Variants in SEMA3A observed in about 807,000 individuals in gnomAD.
The protein encoded by SEMA3A is semaphorin 3A.
A neutral mutation model predicts 97.9 loss-of-function variants in SEMA3A; 29 were observed. The observed-to-expected ratio is 0.30, with a 90% confidence interval of 0.22 to 0.40. The LOEUF is 0.40. SEMA3A is among the 10% of genes least tolerant of loss of function. SEMA3A has a pLI of 1.00. For synonymous variants in SEMA3A, 321 were observed against 323.7 expected (o/e 0.99, Z 0.09); for missense variants, 763 against 951.3 (o/e 0.80, Z 2.60).
chr7:84,470,489 G>A (rs1806117862), intron 1 of SEMA3A, among the ~76,000 whole-genome samples: 1 of 152,092 alleles, frequency 6.6e-6, no homozygotes, highest in Non-Finnish European at 1.5e-5. Context: ...ATTCTGGAAA[G>A]GGAGAAGATG....
chr7:84,373,620 A>G (rs142952518), intron 1 of SEMA3A, among the ~76,000 whole-genome samples: 198 of 152,320 alleles, frequency 1.3e-3, no homozygotes, highest in African/African-American at 4.6e-3. Flanking sequence ...TGAATTTCCA[A>G]ATGCAGACAG....
chr7:84,279,911 T>C (rs2115737659), intron 3 of SEMA3A, among the ~76,000 whole-genome samples: 2 of 152,272 alleles, frequency 1.3e-5, no homozygotes, highest in South Asian at 4.1e-4. Context: ...TATTTATTTA[T>C]TTTTGACCTA....
At chr7:84,265,271 G>A (rs1799962076) in intron 3 of SEMA3A, among the ~76,000 whole-genome samples, 2 of 151,822 alleles carry the variant, frequency 1.3e-5, no homozygotes, top group Admixed American at 6.6e-5. Flanking sequence ...AATATAAAGA[G>A]TGCAGTGGCA....
At chr7:84,483,973 G>A (rs1477004273) in intron 1 of SEMA3A, among the ~76,000 whole-genome samples, 1 of 152,092 alleles carries the variant, frequency 6.6e-6, no homozygotes, top group African/African-American at 2.4e-5. Context: ...AAACCCAGGA[G>A]GCGGAGGTTG....
intron 1 of SEMA3A, among the ~76,000 whole-genome samples, chr7:84,154,567 T>G (rs2116138851): frequency 6.6e-6 from 1 of 150,944 alleles, no homozygotes; most frequent in East Asian, 2.0e-4. Flanking sequence ...TCCCAGCTAC[T>G]CAGGAGGGTG....
intron 1 of SEMA3A, among the ~76,000 whole-genome samples, chr7:84,433,484 C>G (rs2116324050): frequency 6.6e-6 from 1 of 152,188 alleles, no homozygotes; most frequent in East Asian, 1.9e-4. Flanking sequence ...CATTGATGGA[C>G]ATTTGGGTTC....
chr7:83,955,978 T>C lies in SEMA3A; in HGVS notation c.*5393A>G, dbSNP rs1328813983. ...ATTAAAAGAAAGAAAATCCATTCTT[T>C]TGTTATATGAGAAAAACATGACAGA... is the stretch of plus-strand genomic sequence containing the variant. On this transcript the variant is annotated 3_prime_UTR_variant, in exon 17 of 17. Coordinates refer to ENST00000265362, the MANE Select transcript of SEMA3A (RefSeq NM_006080.3). The C allele has an allele frequency of 6.6e-6, 1 of 152,202 alleles. No individual in the cohort carries two copies. Among genetic ancestry groups the C allele is most frequent in the African/African-American group, 2.4e-5 (1 of 41,462 alleles). The allele number at this position is 152,202 out of a possible 1,614,324, so 9.4% of individuals were successfully genotyped here.
intron 4 of SEMA3A, among the ~76,000 whole-genome samples, chr7:84,084,408 G>C (rs1354283044): frequency 1.3e-5 from 2 of 151,836 alleles, no homozygotes; most frequent in East Asian, 3.9e-4. Flanking sequence ...TACACAGTAG[G>C]AAAAATATGT....
chr7:84,192,829 G>T (rs1798092219), intron 1 of SEMA3A, among the ~76,000 whole-genome samples: 1 of 151,752 alleles, frequency 6.6e-6, no homozygotes, highest in African/African-American at 2.4e-5. Context: ...TAAACTAAAA[G>T]TATTACAAAT....
intron 6 of SEMA3A, among the ~76,000 whole-genome samples, chr7:84,028,870 C>T (rs1236353748): frequency 6.6e-6 from 1 of 152,160 alleles, no homozygotes; most frequent in Non-Finnish European, 1.5e-5. Context: ...CTGCCCGCCT[C>T]GGCCTCCCAA....
chr7:84,213,091 C>T (rs1277175498), intron 3 of SEMA3A, among the ~76,000 whole-genome samples: 3 of 152,120 alleles, frequency 2.0e-5, no homozygotes, highest in African/African-American at 7.2e-5. Context: ...GATTCTCCTG[C>T]CTCAGCCTCC....
chr7:84,431,381 T>G (rs1476406261), intron 1 of SEMA3A, among the ~76,000 whole-genome samples: 6 of 152,046 alleles, frequency 3.9e-5, no homozygotes, highest in Non-Finnish European at 2.9e-5. Flanking sequence ...ATTTGATGTT[T>G]AAGGGATCTC....
At chr7:84,047,140 CCAGATCATAAT>C (rs1792385393) in intron 5 of SEMA3A, among the ~76,000 whole-genome samples, 1 of 151,760 alleles carries the variant, frequency 6.6e-6, no homozygotes. Flanking sequence ...TTTGACAAAC[CCAGATCATAAT>C]CACTCCAATG....
chr7:84,033,677 T>C (rs1452426282), intron 6 of SEMA3A, among the ~76,000 whole-genome samples: 4 of 152,120 alleles, frequency 2.6e-5, no homozygotes, highest in Admixed American at 2.6e-4. Flanking sequence ...AAAACCACTT[T>C]TATGTCGCTT....
chr7:83,985,558 ATT>A (rs1789595782), intron 12 of SEMA3A, 81 bp from the exon 13 acceptor site: 2 of 1,126,406 alleles, frequency 1.8e-6, no homozygotes, highest in African/African-American at 3.1e-5. Flanking sequence ...AGGCACTGCC[ATT>A]AGTTTTCAGA....
At chr7:84,166,898 AAAAAG>A (rs1290079419) in intron 1 of SEMA3A, among the ~76,000 whole-genome samples, 1 of 151,374 alleles carries the variant, frequency 6.6e-6, no homozygotes, top group Non-Finnish European at 1.5e-5. Context: ...AAAAAAAAAA[AAAAAG>A]AAGCTGAGGT....
chr7:84,339,843 A>G (rs1031545423), intron 2 of SEMA3A, among the ~76,000 whole-genome samples: 2 of 152,194 alleles, frequency 1.3e-5, no homozygotes, highest in African/African-American at 4.8e-5. Flanking sequence ...TCATACATAT[A>G]GCATCTTTAA....
At chr7:84,059,190 T>C (rs1186728508) in intron 5 of SEMA3A, among the ~76,000 whole-genome samples, 1 of 152,186 alleles carries the variant, frequency 6.6e-6, no homozygotes, top group Non-Finnish European at 1.5e-5. Context: ...AAATAATCAC[T>C]AGACCAACCA....
chr7:84,365,534 G>A (rs189107840), intron 2 of SEMA3A, among the ~76,000 whole-genome samples: 9 of 151,534 alleles, frequency 5.9e-5, no homozygotes, highest in African/African-American at 1.4e-4. Context: ...TCACTTTTGC[G>A]AAGACTTCTT....
Sources: allele counts gnomAD v4.1 joint callset (sites outside exome capture counted in the v4.1 genomes callset), GRCh38; gene constraint gnomAD v4.1.1; transcripts MANE v1.5; gene names NCBI Gene and HGNC (gene_info 2026-07-23, HGNC 2026-07-21).